Variants in AP2B1 observed in about 807,000 individuals in gnomAD.
The protein encoded by AP2B1 is adaptor related protein complex 2 subunit beta 1.
AP2B1 carries 23 observed loss-of-function variants against 102.0 expected under a neutral mutation model. The observed-to-expected ratio is 0.23, with a 90% CI of 0.16 to 0.32. AP2B1 has a LOEUF of 0.32. AP2B1 is among the 10% of genes least tolerant of loss of function. The pLI, the probability that AP2B1 is intolerant of heterozygous loss-of-function variation, is 1.00. For synonymous variants in AP2B1, 381 were observed against 421.2 expected (o/e 0.90, Z 1.17); for missense variants, 541 against 1,157.4 (o/e 0.47, Z 7.73).
chr17:35,657,864 A>G, intron 14 of AP2B1, 73 bp downstream of exon 14: 6 of 1,407,374 alleles, frequency 4.3e-6, no homozygotes, highest in Non-Finnish European at 5.8e-6. Context: ...TAAATTATTC[A>G]GCTTTTTAGA....
At chr17:35,720,607 G>A (rs1179899364) in intron 21 of AP2B1, among the ~76,000 whole-genome samples, 24 of 84,404 alleles carry the variant, frequency 2.8e-4, no homozygotes, top group Admixed American at 8.7e-4. Flanking sequence ...TTTTAATATA[G>A]AGATAGGGTC....
intron 9 of AP2B1, among the ~76,000 whole-genome samples, chr17:35,635,997 A>AT (rs5820123): frequency 0.7 from 103,756 of 148,096 alleles, 36,791 homozygotes; most frequent in East Asian, 0.96. Flanking sequence ...CCTTGGTAGT[A>AT]TTTTTTTTTT....
chr17:35,610,757 A>T (rs1029182430), intron 5 of AP2B1, among the ~76,000 whole-genome samples: 1 of 151,972 alleles, frequency 6.6e-6, no homozygotes, highest in African/African-American at 2.4e-5. Context: ...AATACAAAAA[A>T]TTAGCCGGGC....
intron 13 of AP2B1, among the ~76,000 whole-genome samples, chr17:35,656,411 AGTT>A (rs2075220742): frequency 6.6e-6 from 1 of 151,948 alleles, no homozygotes; most frequent in African/African-American, 2.4e-5. Flanking sequence ...TTGCCTGTTG[AGTT>A]GTTGTTATTT....
chr17:35,650,480 G>A (rs1288826353), intron 12 of AP2B1, 50 bp from the exon 13 acceptor site: 2 of 1,591,428 alleles, frequency 1.3e-6, no homozygotes, highest in East Asian at 2.2e-5. Context: ...TTGGGTTTCT[G>A]TATGGAGAAC....
At chr17:35,622,825 C>T (rs1174273973) in intron 5 of AP2B1, among the ~76,000 whole-genome samples, 5 of 152,018 alleles carry the variant, frequency 3.3e-5, no homozygotes, top group Middle Eastern at 3.2e-3. Context: ...CCACCATGCC[C>T]GGCTAATTTT....
In AP2B1 at chr17:35,722,813, A is replaced by T. The variant is rs76441297; in HGVS notation, c.2782-812A>T. Among the ~76,000 whole-genome samples, 7 of 152,360 alleles carry T rather than the reference A, an allele frequency of 4.6e-5. No homozygotes were observed. The East Asian group carries it at 1.3e-3, about 29-fold the overall frequency. ...TTTGCATGCTTATATTATTGTTAAT[A>T]ATATTCTGCCTAATCTAATACAATT... On this transcript the variant is annotated intron_variant, in intron 21 of 21. Coordinates refer to ENST00000610402, the MANE Select transcript of AP2B1 (RefSeq NM_001030006.2).
chr17:35,614,396 C>G (rs2073952972), intron 5 of AP2B1, among the ~76,000 whole-genome samples: 1 of 151,820 alleles, frequency 6.6e-6, no homozygotes, highest in Non-Finnish European at 1.5e-5. Flanking sequence ...TGTTTTGTTG[C>G]CCAGGTTGGT....
chr17:35,594,393 A>G (rs1182116821), intron 2 of AP2B1, among the ~76,000 whole-genome samples: 1 of 152,236 alleles, frequency 6.6e-6, no homozygotes, highest in Non-Finnish European at 1.5e-5. Context: ...CTTTTATTAA[A>G]TAATTTTTAC....
intron 12 of AP2B1, among the ~76,000 whole-genome samples, chr17:35,648,135 G>A (rs572467185): frequency 2.6e-5 from 4 of 152,218 alleles, no homozygotes; most frequent in East Asian, 1.9e-4. Flanking sequence ...AACAACTCGT[G>A]CATAAATAAA....
At chr17:35,667,275 G>T (rs536365948) in intron 14 of AP2B1, among the ~76,000 whole-genome samples, 4 of 152,288 alleles carry the variant, frequency 2.6e-5, no homozygotes, top group East Asian at 3.9e-4. Context: ...TGAATAGTCC[G>T]CATAAGCTGT....
At chr17:35,588,526 A>G (rs1009112069) in intron 1 of AP2B1, 3 of 152,250 alleles carry the variant, frequency 2.0e-5, no homozygotes, top group African/African-American at 7.2e-5. Context: ...AAGTAAATGC[A>G]TTAAGCTTAG....
At chr17:35,628,677 C>CTATGT (rs1346675135) in intron 9 of AP2B1, among the ~76,000 whole-genome samples, 1 of 152,164 alleles carries the variant, frequency 6.6e-6, no homozygotes, top group Non-Finnish European at 1.5e-5. Context: ...CTATCATAGA[C>CTATGT]TTTTTCTGTT....
intron 20 of AP2B1, among the ~76,000 whole-genome samples, chr17:35,710,688 T>A (rs928436613): frequency 9.9e-5 from 15 of 152,172 alleles, no homozygotes; most frequent in African/African-American, 3.4e-4. Flanking sequence ...TTATATCAAT[T>A]TTTGGTGTTG....
chr17:35,695,007 A>G (rs2076114308), intron 18 of AP2B1, among the ~76,000 whole-genome samples: 1 of 152,136 alleles, frequency 6.6e-6, no homozygotes, highest in Admixed American at 6.5e-5. Flanking sequence ...CGAAGATGAG[A>G]CAGCAGCAAC....
At chr17:35,630,091 A>G (rs1382964619) in intron 9 of AP2B1, among the ~76,000 whole-genome samples, 6 of 152,224 alleles carry the variant, frequency 3.9e-5, no homozygotes, top group Admixed American at 3.9e-4. Context: ...TTACCGGAAC[A>G]AAAGGAGGCA....
At chr17:35,642,039 A>T in intron 12 of AP2B1, 64 bp downstream of exon 12, 2 of 1,261,464 alleles carry the variant, frequency 1.6e-6, no homozygotes, top group African/African-American at 2.9e-5. Flanking sequence ...AAATTATGAA[A>T]CTCTTCCTAG....
chr17:35,696,268 G>GCTTA (rs755112226), intron 18 of AP2B1, among the ~76,000 whole-genome samples: 21 of 151,966 alleles, frequency 1.4e-4, no homozygotes, highest in Non-Finnish European at 2.9e-4. Context: ...ATATCGTATA[G>GCTTA]CTTACTTACT....
chr17:35,685,362 G>A (rs912638775), intron 18 of AP2B1, among the ~76,000 whole-genome samples: 2 of 152,058 alleles, frequency 1.3e-5, no homozygotes, highest in African/African-American at 2.4e-5. Flanking sequence ...CCTTTTCCCC[G>A]TATGAACAAG....
Sources: allele counts gnomAD v4.1 joint callset (sites outside exome capture counted in the v4.1 genomes callset), GRCh38; gene constraint gnomAD v4.1.1; transcripts MANE v1.5; gene names NCBI Gene and HGNC (gene_info 2026-07-23, HGNC 2026-07-21).